The following TMEM132D variants were observed in gnomAD, a reference collection of about 807,000 sequenced individuals.
The protein encoded by TMEM132D is mature OL transmembrane protein.
TMEM132D carries 21 observed loss-of-function variants against 62.3 expected under a neutral mutation model. That is an observed-to-expected ratio of 0.34 (90% CI 0.24 to 0.49). The LOEUF (loss-of-function observed/expected upper bound fraction) is 0.49. TMEM132D is among the 20% of genes least tolerant of loss of function. The pLI, the probability that TMEM132D is intolerant of heterozygous loss-of-function variation, is 0.99. For missense variants in TMEM132D, 1,346 were observed against 1,402.8 expected, an observed-to-expected ratio of 0.96 and a Z score of 0.65; for synonymous variants, 621 against 575.6, an observed-to-expected ratio of 1.08 and a Z score of -1.13.
chr12:129,167,286 A>G (rs1386878927), intron 5 of TMEM132D, among the ~76,000 whole-genome samples: 2 of 152,136 alleles, frequency 1.3e-5, no homozygotes, highest in Non-Finnish European at 2.9e-5. Context: ...AGGTGGGACC[A>G]CTGCAATTAG....
intron 3 of TMEM132D, among the ~76,000 whole-genome samples, chr12:129,424,734 A>G (rs1178745024): frequency 1.4e-5 from 2 of 146,920 alleles, no homozygotes; most frequent in Non-Finnish European, 3.0e-5. Flanking sequence ...AAAAAAAAAG[A>G]CATCTCAACA....
At chr12:129,549,786 T>C (rs891794260) in intron 2 of TMEM132D, among the ~76,000 whole-genome samples, 1 of 152,214 alleles carries the variant, frequency 6.6e-6, no homozygotes, top group African/African-American at 2.4e-5. Flanking sequence ...AATAAAGCTT[T>C]GTTATGTCAT....
chr12:129,852,628 T>C (rs1873583141), intron 1 of TMEM132D: 1 of 152,122 alleles, frequency 6.6e-6, no homozygotes, highest in African/African-American at 2.4e-5. Flanking sequence ...CTCAAGCCTA[T>C]TGTGTATTTA....
intron 4 of TMEM132D, among the ~76,000 whole-genome samples, chr12:129,327,791 A>G (rs1593338702): frequency 6.6e-6 from 1 of 152,180 alleles, no homozygotes; most frequent in Admixed American, 6.5e-5. Flanking sequence ...CTCCCTGCAA[A>G]TCTGATCTCC....
intron 2 of TMEM132D, among the ~76,000 whole-genome samples, chr12:129,614,970 C>T (rs1056922583): frequency 4.6e-5 from 7 of 152,142 alleles, no homozygotes; most frequent in South Asian, 2.1e-4. Flanking sequence ...CCCTGCATTC[C>T]GGTATTTATA....
rs1347728048 is a variant in TMEM132D at position 129,732,220 on chromosome 12, GA to G, written c.80-31523del. Among the ~76,000 whole-genome samples the G allele has an allele frequency of 2.6e-5, 4 of 152,190 alleles. No individual in the cohort carries two copies. In the East Asian group the frequency reaches 7.7e-4, roughly 29 times the overall value. On this transcript the variant is annotated intron_variant, in intron 1 of 8. Coordinates refer to ENST00000422113, the MANE Select transcript of TMEM132D (RefSeq NM_133448.3). ...GTGACAATGCTGGTGGTATTATAAA[GA>G]ATATATCTGTTCTTTTTCCCTGTTC... is the stretch of plus-strand genomic sequence containing the variant.
chr12:129,088,049 G>GA (rs1248380614), intron 5 of TMEM132D, among the ~76,000 whole-genome samples: 2 of 65,296 alleles, frequency 3.1e-5, no homozygotes, highest in African/African-American at 1.5e-4. Flanking sequence ...CTCTATGACC[G>GA]GGTGTCCTCC....
intron 3 of TMEM132D, among the ~76,000 whole-genome samples, chr12:129,501,312 T>C (rs1875133303): frequency 6.6e-6 from 1 of 152,072 alleles, no homozygotes; most frequent in South Asian, 2.1e-4. Context: ...TCATGTCTCA[T>C]GATTTCTGAG....
chr12:129,453,556 C>T (rs1873370615), intron 3 of TMEM132D, among the ~76,000 whole-genome samples: 1 of 152,176 alleles, frequency 6.6e-6, no homozygotes, highest in African/African-American at 2.4e-5. Flanking sequence ...TGATGAAAAA[C>T]TCTAGCAGTG....
At chr12:129,865,682 A>G (rs1394120149) in intron 1 of TMEM132D, among the ~76,000 whole-genome samples, 1 of 152,236 alleles carries the variant, frequency 6.6e-6, no homozygotes, top group Non-Finnish European at 1.5e-5. Context: ...GACACACGGA[A>G]TATACTGAAC....
chr12:129,897,858 G>T (rs1159820720), intron 1 of TMEM132D, among the ~76,000 whole-genome samples: 1 of 152,164 alleles, frequency 6.6e-6, no homozygotes, highest in Non-Finnish European at 1.5e-5. Context: ...GGCAAGCCTG[G>T]CACCATGTAA....
At chr12:129,359,550 A>G (rs1474862128) in intron 3 of TMEM132D, among the ~76,000 whole-genome samples, 3 of 152,256 alleles carry the variant, frequency 2.0e-5, no homozygotes, top group Admixed American at 6.5e-5. Flanking sequence ...TGAACTTAAA[A>G]AGAAAAGAAT....
At chr12:129,744,507 A>T (rs1869712639) in intron 1 of TMEM132D, among the ~76,000 whole-genome samples, 1 of 152,150 alleles carries the variant, frequency 6.6e-6, no homozygotes, top group Non-Finnish European at 1.5e-5. Flanking sequence ...CTGCATACAG[A>T]TAGTATATAT....
At chr12:129,430,630 A>T (rs1872629165) in intron 3 of TMEM132D, among the ~76,000 whole-genome samples, 1 of 152,108 alleles carries the variant, frequency 6.6e-6, no homozygotes, top group South Asian at 2.1e-4. Flanking sequence ...AGTATGTAAC[A>T]TCCCTAAATC....
chr12:129,679,999 C>T (rs964864215), intron 2 of TMEM132D, among the ~76,000 whole-genome samples: 3 of 152,142 alleles, frequency 2.0e-5, no homozygotes, highest in Non-Finnish European at 2.9e-5. Flanking sequence ...ATAAATTGCA[C>T]TTGTCCATGC....
chr12:129,366,603 T>C (rs904038768), intron 3 of TMEM132D, among the ~76,000 whole-genome samples: 3 of 152,228 alleles, frequency 2.0e-5, no homozygotes. Context: ...TTTATAGGAA[T>C]GCAAGAATGG....
intron 4 of TMEM132D, among the ~76,000 whole-genome samples, chr12:129,305,556 T>A (rs1881828766): frequency 6.6e-6 from 1 of 152,172 alleles, no homozygotes; most frequent in South Asian, 2.1e-4. Context: ...TATAAAGCCA[T>A]CCAAATGTAT....
intron 2 of TMEM132D, among the ~76,000 whole-genome samples, chr12:129,561,121 G>A (rs1877214006): frequency 6.6e-6 from 1 of 152,160 alleles, no homozygotes; most frequent in Non-Finnish European, 1.5e-5. Flanking sequence ...GACTTAATTT[G>A]GTTTGCGAGA....
intron 3 of TMEM132D, among the ~76,000 whole-genome samples, chr12:129,452,838 CA>C (rs1298597525): frequency 6.6e-6 from 1 of 152,148 alleles, no homozygotes; most frequent in Non-Finnish European, 1.5e-5. Context: ...TCAGGTATAA[CA>C]TATAGTTTCT....
Sources: allele counts gnomAD v4.1 joint callset (sites outside exome capture counted in the v4.1 genomes callset), GRCh38; gene constraint gnomAD v4.1.1; transcripts MANE v1.5; gene names NCBI Gene and HGNC (gene_info 2026-07-23, HGNC 2026-07-21).